Variants in PLEC observed in about 807,000 individuals in gnomAD.
PLEC encodes the protein hemidesmosomal protein 1.
In PLEC, 216 loss-of-function variants were observed where a neutral mutation model predicts 392.8. The ratio of observed to expected loss-of-function variants is 0.55; its 90% CI spans 0.49 to 0.62. The LOEUF (loss-of-function observed/expected upper bound fraction) is 0.62, where lower values mean the gene tolerates loss of function less well. PLEC is among the 20% of genes least tolerant of loss of function. The probability of loss-of-function intolerance (pLI) is 0.00; values close to 1 mark genes in which losing one functional copy is unlikely to be tolerated. For synonymous variants in PLEC, 3,621 were observed against 2,980.6 expected (o/e 1.21, Z -7.00); for missense variants, 6,863 against 6,563.4 (o/e 1.05, Z -1.58).
chr8:143,923,056 C>A lies in PLEC; in HGVS notation c.6873G>T (p.Ala2291=). 6.2e-7 allele frequency: 1 copy of A among 1,610,694 alleles called. No individual in the cohort carries two copies. The highest frequency in any genetic ancestry group is 8.5e-7 in the Non-Finnish European group (1 of 1,179,754). The change falls in exon 31 of 32, where the codon GCG becomes GCT. Residue 2291 remains alanine, a synonymous_variant. Transcript: ENST00000345136. ...CCTCCTCTGCCAGCTGCCGCAGTCG[C>A]GCAGCCTCTTGGGCCGCCACACTCA... ...ARLSVAAQEA[A]RLRQLAEEDL... is the part of the protein sequence containing the mutation.
chr8:143,934,615 C>T lies in PLEC; in HGVS notation c.1041+20G>A. The T allele has an allele frequency of 3.1e-6, 5 of 1,610,506 alleles. No homozygotes were observed. In the African/African-American group the frequency reaches 4.0e-5, roughly 13 times the overall value. On this transcript the variant is annotated intron_variant, in intron 10 of 31. Coordinates refer to ENST00000345136, the MANE Select transcript of PLEC (RefSeq NM_201384.3). Reference sequence around the variant, plus strand: ...GGGGCGTTCCAGGACACCACCCACCCCTCCAGCGGTCCCACTCACCTCCAG... The same window carrying T: ...GGGGCGTTCCAGGACACCACCCACCTCTCCAGCGGTCCCACTCACCTCCAG...
At chr8:143,938,287 A>C (rs782260535) in intron 2 of PLEC, 47 bp from the exon 3 acceptor site, 1 of 1,541,898 alleles carries the variant, frequency 6.5e-7, no homozygotes, top group Non-Finnish European at 8.8e-7. Flanking sequence ...CAGAGCCACC[A>C]ATAGGCCCTG....
Position 143,927,976 on chromosome 8 carries a change from G to A in PLEC, c.3277C>T (p.Leu1093=), listed in dbSNP as rs1207883443. The part of the protein sequence containing the change: ...IYLEKLKTIS[L]VIRGTQGAEE... ...GCCCCCTGCGTGCCGCGGATCACCAGGCTGATGGTCTTGAGCCTGGCGGGA... is the reference window on the plus strand; with the variant it reads ...GCCCCCTGCGTGCCGCGGATCACCAAGCTGATGGTCTTGAGCCTGGCGGGA... The change falls in exon 26 of 32, where the codon CTG becomes TTG. Residue 1093 remains leucine, a synonymous_variant. Coordinates refer to ENST00000345136, the MANE Select transcript of PLEC (RefSeq NM_201384.3). 1 of 1,599,906 alleles carries A rather than the reference G, an allele frequency of 6.3e-7. No homozygotes were observed. Among genetic ancestry groups the A allele is most frequent in the Non-Finnish European group, 8.5e-7 (1 of 1,170,090 alleles).
At chr8:143,953,877 G>A (rs1458016639), upstream of PLEC, 33 of 1,539,220 alleles carry the variant, frequency 2.1e-5, no homozygotes, top group Non-Finnish European at 2.6e-5. Context: ...CCGGAGGTCC[G>A]GGGCAGGGCT....
intron 2 of PLEC, 134 bp from the exon 3 acceptor site, chr8:143,938,374 C>T (rs535297394): frequency 2.0e-6 from 3 of 1,535,666 alleles, no homozygotes; most frequent in African/African-American, 1.4e-5. Flanking sequence ...GCCCACGGAA[C>T]ACACCCTGCC....
Position 143,916,480 on chromosome 8 carries a change from C to G in PLEC, c.13341G>C (p.Lys4447Asn), listed in dbSNP as rs1554669254. 2.5e-6 allele frequency: 4 copies of G among 1,611,640 alleles called. No individual in the cohort carries two copies. The Admixed American group carries it at 5.0e-5, about 20-fold the overall frequency. The change falls in exon 32 of 32, where the codon AAG becomes AAC. Residue 4447 changes from lysine to asparagine, a missense_variant. Transcript: ENST00000345136. ...CPKTKLKISY[K>N]DALDRSMVEE... ...CCACCATGCTGCGGTCCAGCGCGTCCTTATAGGAGATCTTGAGCTTGGTCT... is the reference window on the plus strand; with the variant it reads ...CCACCATGCTGCGGTCCAGCGCGTCGTTATAGGAGATCTTGAGCTTGGTCT...
At chr8:143,939,648 G>A (rs1486871429), upstream of PLEC, 5 of 1,416,894 alleles carry the variant, frequency 3.5e-6, no homozygotes, top group South Asian at 1.5e-5. Flanking sequence ...AGGCCGGCCC[G>A]CCCCCGAGGC....
At position 143,930,515 on chromosome 8, in the gene PLEC, C is replaced by G. The variant is rs781907409; in HGVS notation, c.2326G>C (p.Glu776Gln). 1.3e-5 allele frequency: 21 copies of G among 1,596,094 alleles called. No individual in the cohort carries two copies. Among genetic ancestry groups the G allele is most frequent in the Non-Finnish European group, 1.5e-5 (18 of 1,171,806 alleles). The change falls in exon 20 of 32, where the codon GAG (glutamate) becomes CAG (glutamine). Residue 776 changes from glutamate (E) to glutamine (Q), a missense_variant. Coordinates refer to ENST00000345136, the MANE Select transcript of PLEC (RefSeq NM_201384.3). ...DAQDEKEQLNEYKGHLSGLAK... is the reference protein window; with the variant it reads ...DAQDEKEQLNQYKGHLSGLAK... ...AGGCCTGAGAGGTGGCCCTTGTACT[C>G]GTTCAGCTGTTCCTTCTCGTCCTGT... is the stretch of plus-strand genomic sequence containing the variant.
chr8:143,925,262 T>C lies in PLEC; in HGVS notation c.4667A>G (p.Glu1556Gly). The stretch of plus-strand genomic sequence containing the variant: ...CTGTACCTGCCGCGCTCGCTCCACC[T>C]CGGCCTGCCGCAGGCGCCGCTCCGC... ...EEAERRLRQA[E>G]VERARQVQVA... The change falls in exon 31 of 32, where the codon GAG (glutamate) becomes GGG (glycine). Residue 1556 changes from glutamate to glycine, a missense_variant. By Grantham distance (98) the Glu-to-Gly change is moderately conservative. Coordinates refer to ENST00000345136, the MANE Select transcript of PLEC (RefSeq NM_201384.3). 1 of 1,581,602 alleles carries C rather than the reference T, an allele frequency of 6.3e-7. No homozygotes were observed. Among genetic ancestry groups the C allele is most frequent in the South Asian group, 1.1e-5 (1 of 89,096 alleles).
At chr8:143,955,085 C>T (rs989891083), upstream of PLEC, among the ~76,000 whole-genome samples, 6 of 152,138 alleles carry the variant, frequency 3.9e-5, no homozygotes, top group African/African-American at 7.2e-5. Context: ...TCCCCCTGCC[C>T]GTCCCTGCCC....
In PLEC at chr8:143,921,351, C is replaced by T. The variant is rs201160327; in HGVS notation, c.8470G>A (p.Val2824Met). ...GVIDPVHSHR[V>M]PVDVAYRRGY... ...CGCCGGTAGGCCACGTCCACGGGCA[C>T]GCGGTGGCTGTGCACGGGGTCGATA... The change falls in exon 32 of 32, where the codon GTG becomes ATG. Residue 2824 changes from valine (V) to methionine (M), a missense_variant. Val to Met is a conservative substitution (Grantham distance 21). Coordinates refer to ENST00000345136, the MANE Select transcript of PLEC (RefSeq NM_201384.3). The T allele has an allele frequency of 8.3e-5, 134 of 1,613,670 alleles. No homozygotes were observed. Among genetic ancestry groups the T allele is most frequent in the Non-Finnish European group, 1.1e-4 (129 of 1,179,934 alleles).
At chr8:143,961,143 T>C (rs535318895) in intron 1 of PLEC, among the ~76,000 whole-genome samples, 8 of 152,382 alleles carry the variant, frequency 5.2e-5, no homozygotes, top group Non-Finnish European at 1.2e-4. Flanking sequence ...ATCCAGATTT[T>C]TGATTTTTGC....
chr8:143,938,377 A>C (rs1554725431), intron 2 of PLEC, 137 bp from the exon 3 acceptor site: 1 of 1,534,562 alleles, frequency 6.5e-7, no homozygotes, highest in Middle Eastern at 1.8e-4. Context: ...CACGGAACAC[A>C]CCCTGCCCCA....
chr8:143,952,210 GCGCGCACACACGCA>G (rs1564213647), upstream of PLEC, among the ~76,000 whole-genome samples: 3 of 95,018 alleles, frequency 3.2e-5, no homozygotes, highest in Non-Finnish European at 6.7e-5. Flanking sequence ...ACACACACAC[GCGCGCACACACGCA>G]CGCGCACGCG....
At chr8:143,956,461 G>A (rs573733402), upstream of PLEC, among the ~76,000 whole-genome samples, 4 of 152,296 alleles carry the variant, frequency 2.6e-5, no homozygotes, top group African/African-American at 9.6e-5. Flanking sequence ...CCAGCTCTTT[G>A]GGATGCTGAG....
At position 143,922,647 on chromosome 8, in the gene PLEC, C is replaced by A; in HGVS notation, c.7282G>T (p.Val2428Leu). ...ATCTCCAGTGTCTGCACCAGGGTCA[C>A]CTTCTCCTGGGTGGCGAGCTCCGTG... ...HRTELATQEKVTLVQTLEIQR... is the reference protein window; with the variant it reads ...HRTELATQEKLTLVQTLEIQR... Residue 2428 changes from valine (V) to leucine (L), a missense_variant, in exon 31 of 32, where the codon GTG (valine) becomes TTG (leucine). Transcript: ENST00000345136. The A allele has an allele frequency of 1.2e-6, 2 of 1,613,604 alleles. No individual in the cohort carries two copies. Among genetic ancestry groups the A allele is most frequent in the Non-Finnish European group, 1.7e-6 (2 of 1,179,990 alleles).
chr8:143,922,023 G>C lies in PLEC; in HGVS notation c.7798C>G (p.Leu2600Val). The change falls in exon 32 of 32, where the codon CTC becomes GTC. Residue 2600 changes from leucine (L) to valine (V), a missense_variant. Coordinates refer to ENST00000345136, the MANE Select transcript of PLEC (RefSeq NM_201384.3). ...ENQRLREQLQ[L>V]LEEQHRAALA... ...GCGGCCCGGTGCTGCTCCTCCAGGAGCTGCAGCTGCTCACGCAGCCTCTGG... is the reference window on the plus strand; with the variant it reads ...GCGGCCCGGTGCTGCTCCTCCAGGACCTGCAGCTGCTCACGCAGCCTCTGG... 1 of 1,597,252 alleles carries C rather than the reference G, an allele frequency of 6.3e-7. No individual in the cohort carries two copies. Among genetic ancestry groups the C allele is most frequent in the Non-Finnish European group, 8.5e-7 (1 of 1,179,404 alleles).
upstream of PLEC, among the ~76,000 whole-genome samples, chr8:143,976,313 G>A (rs1415371414): frequency 6.6e-6 from 1 of 152,182 alleles, no homozygotes; most frequent in Non-Finnish European, 1.5e-5. Context: ...TCTCGGAGGG[G>A]GTGGGCTGGC....
In PLEC at chr8:143,927,038, G is replaced by T; in HGVS notation, c.3884C>A (p.Pro1295Gln). The change falls in exon 29 of 32, where the codon CCG becomes CAG. Residue 1295 changes from proline to glutamine, a missense_variant. Transcript: ENST00000345136. ...GGGCTTCTTGGCCGGGGAGGCCACC[G>T]GCTCAAGCTGCGCCTTGTACGTCAC... ...QLVTYKAQLE[P>Q]VASPAKKPKV... 6.2e-7 allele frequency: 1 copy of T among 1,612,462 alleles called. No individual in the cohort carries two copies. The highest frequency in any genetic ancestry group is 1.1e-5 in the South Asian group (1 of 91,086).
Sources: allele counts gnomAD v4.1 joint callset (sites outside exome capture counted in the v4.1 genomes callset), GRCh38; gene constraint gnomAD v4.1.1; transcripts MANE v1.5; gene names NCBI Gene and HGNC (gene_info 2026-07-23, HGNC 2026-07-21).